The following MLF1 variants were observed in gnomAD, a reference collection of about 807,000 sequenced individuals.
The protein encoded by MLF1 is myeloid leukemia factor 1, also known as myelodysplasia-myeloid leukemia factor 1.
Under a neutral mutation model 38.3 loss-of-function variants are expected in MLF1, and 37 were observed. That is an observed-to-expected ratio of 0.96 (90% CI 0.74 to 1.27). MLF1 has a LOEUF of 1.27. MLF1 is among the 50% of genes most tolerant of loss of function. The pLI, the probability that MLF1 is intolerant of heterozygous loss-of-function variation, is 0.00. For synonymous variants in MLF1, 95 were observed against 106.5 expected, an observed-to-expected ratio of 0.89 and a Z score of 0.66; for missense variants, 331 against 349.2, an observed-to-expected ratio of 0.95 and a Z score of 0.42.
rs371096231 is a variant in MLF1 at position 158,571,348 on chromosome 3, G to T, written c.47+1G>T. Reference sequence around the variant, plus strand: ...GTTTTGAGGATGACCCCTTCTTCTCGTGAGTTACGGGAGCCAGGAGTCCGG... The same window carrying T: ...GTTTTGAGGATGACCCCTTCTTCTCTTGAGTTACGGGAGCCAGGAGTCCGG... On this transcript the variant is annotated splice_donor_variant, in intron 1 of 7. Transcript: ENST00000466246. LOFTEE classifies it high-confidence loss of function. 2 of 1,613,178 alleles carry T rather than the reference G, an allele frequency of 1.2e-6. No individual in the cohort carries two copies. Among genetic ancestry groups the T allele is most frequent in the Non-Finnish European group, 1.7e-6 (2 of 1,179,930 alleles).
chr3:158,582,799 G>A (rs1298155755), intron 1 of MLF1: 1 of 634,992 alleles, frequency 1.6e-6, no homozygotes, highest in East Asian at 2.8e-5. Flanking sequence ...ACAAAAATTT[G>A]GTGAATTTGT....
At position 158,597,291 on chromosome 3, in the gene MLF1, G is replaced by A. The variant is rs566749133; in HGVS notation, c.324+346G>A. Among the ~76,000 whole-genome samples the A allele has an allele frequency of 2.0e-5, 3 of 151,616 alleles. No individual in the cohort carries two copies. The South Asian group carries it at 6.3e-4, about 32-fold the overall frequency. ...GAAAAAAAATAACCTCAAAAACATT[G>A]ATTCTATTGAAAGTCACTATTGTAA... On this transcript the variant is annotated intron_variant, in intron 4 of 7. Transcript: ENST00000466246.
chr3:158,591,057 A>C (rs1718041632), intron 1 of MLF1: 1 of 484,224 alleles, frequency 2.1e-6, no homozygotes, highest in East Asian at 5.7e-5. Flanking sequence ...TATGAAATTC[A>C]GAGGAAAAGC....
chr3:158,572,775 C>T (rs1263977283), intron 1 of MLF1, among the ~76,000 whole-genome samples: 1 of 21,312 alleles, frequency 4.7e-5, no homozygotes, highest in Non-Finnish European at 9.1e-5. Context: ...TGATGGCGTG[C>T]AGTGGGGGGA....
Position 158,571,401 on chromosome 3 carries a change from G to C in MLF1, c.47+54G>C, listed in dbSNP as rs529717135. 3 of 1,610,842 alleles carry C rather than the reference G, an allele frequency of 1.9e-6. No homozygotes were observed. In the Admixed American group the frequency reaches 5.0e-5, roughly 27 times the overall value. ...TCGCGCGGGAATTAAGGTATCGAGGGGAGCTATTTTAAGGGAAAAGAGCGA... is the reference window on the plus strand; with the variant it reads ...TCGCGCGGGAATTAAGGTATCGAGGCGAGCTATTTTAAGGGAAAAGAGCGA... On this transcript the variant is annotated intron_variant, in intron 1 of 7. Transcript: ENST00000466246.
intron 7 of MLF1, among the ~76,000 whole-genome samples, chr3:158,604,457 A>G (rs1232401821): frequency 6.6e-6 from 1 of 152,196 alleles, no homozygotes; most frequent in Non-Finnish European, 1.5e-5. Context: ...CTGTTGATTC[A>G]CATTTGAAGC....
At chr3:158,598,051 G>A (rs375497912) in intron 4 of MLF1, 29 bp from the exon 5 acceptor site, 368 of 1,606,914 alleles carry the variant, frequency 2.3e-4, no homozygotes, top group Non-Finnish European at 2.9e-4. Context: ...TATTTGACTC[G>A]ACTGAATTTA....
chr3:158,596,943 T>G lies in MLF1; in HGVS notation c.322T>G (p.Phe108Val), dbSNP rs1269770161. ...CTATATGCAGAAATTAGAAAGAAAC[T>G]TCGTAAGTACTAAAAACAAAGCATT... is the stretch of plus-strand genomic sequence containing the variant. ...RNYMQKLERN[F>V]GQLSVDPNGH... Residue 108 changes from phenylalanine to valine, a missense_variant and splice_region_variant, in exon 4 of 8, where the codon TTC (phenylalanine) becomes GTC (valine). Physicochemically the swap from Phe to Val is conservative, Grantham distance 50. Transcript: ENST00000466246. The G allele has an allele frequency of 6.3e-7, 1 of 1,585,262 alleles. No individual in the cohort carries two copies. The highest frequency in any genetic ancestry group is 1.3e-5 in the African/African-American group (1 of 74,266).
intron 7 of MLF1, among the ~76,000 whole-genome samples, chr3:158,603,218 A>T (rs1306600030): frequency 6.6e-6 from 1 of 152,232 alleles, no homozygotes; most frequent in African/African-American, 2.4e-5. Context: ...GAAAACTGAT[A>T]TCCTGTAGTG....
chr3:158,591,159 C>CT (rs11314613), intron 1 of MLF1: 22,105 of 379,022 alleles, frequency 0.058, 9 homozygotes, highest in East Asian at 0.09. Flanking sequence ...AGGAAAATTT[C>CT]TTTTTTTTTT....
intron 1 of MLF1, among the ~76,000 whole-genome samples, chr3:158,580,693 C>A (rs1184118004): frequency 6.6e-6 from 1 of 151,478 alleles, no homozygotes; most frequent in Non-Finnish European, 1.5e-5. Context: ...TGGTTGCTCA[C>A]ACCTGTAATC....
chr3:158,573,008 G>T (rs1162913968), intron 1 of MLF1, among the ~76,000 whole-genome samples: 1 of 151,704 alleles, frequency 6.6e-6, no homozygotes, highest in Admixed American at 6.6e-5. Context: ...GGCTTTGCAG[G>T]TGACATAACT....
intron 1 of MLF1, chr3:158,588,946 A>T (rs1056024721): frequency 1.1e-5 from 5 of 453,960 alleles, no homozygotes; most frequent in African/African-American, 1.0e-4. Context: ...GTACTAAAAT[A>T]CTTGGGCCAG....
chr3:158,604,380 A>T (rs2108663336), intron 7 of MLF1, among the ~76,000 whole-genome samples: 1 of 152,326 alleles, frequency 6.6e-6, no homozygotes, highest in African/African-American at 2.4e-5. Context: ...TTCTGAAATG[A>T]CTTCGGTAAT....
intron 7 of MLF1, among the ~76,000 whole-genome samples, chr3:158,603,556 G>C (rs1720098092): frequency 1.3e-5 from 2 of 152,180 alleles, no homozygotes; most frequent in South Asian, 2.1e-4. Flanking sequence ...AGAGATTTCT[G>C]TCTGGACATG....
intron 1 of MLF1, among the ~76,000 whole-genome samples, chr3:158,574,523 AAAAATAC>A (rs980479728): frequency 2.6e-5 from 3 of 115,698 alleles, no homozygotes; most frequent in African/African-American, 8.8e-5. Flanking sequence ...AAAAAAAAAA[AAAAATAC>A]AAAATTAGCC....
intron 7 of MLF1, among the ~76,000 whole-genome samples, chr3:158,604,426 G>T (rs73024783): frequency 0.19 from 29,101 of 152,112 alleles, 3,265 homozygotes; most frequent in African/African-American, 0.31. Flanking sequence ...GTCCAGTGTA[G>T]TAATCACTAG....
At chr3:158,594,727 G>C (rs1024650349) in intron 3 of MLF1, among the ~76,000 whole-genome samples, 1 of 152,150 alleles carries the variant, frequency 6.6e-6, no homozygotes, top group Admixed American at 6.6e-5. Context: ...TGATTGACAG[G>C]GTTGAAGGAG....
intron 4 of MLF1, among the ~76,000 whole-genome samples, chr3:158,597,836 G>GA (rs1421006256): frequency 1.3e-5 from 2 of 152,072 alleles, no homozygotes; most frequent in Non-Finnish European, 2.9e-5. Flanking sequence ...TCTTTGTAAC[G>GA]AGAGTGGGAT....
Sources: gnomAD v4.1 joint callset for allele counts (sites outside exome capture counted in the v4.1 genomes callset) on GRCh38, gnomAD v4.1.1 for gene constraint, MANE v1.5 for transcripts, NCBI Gene and HGNC (gene_info 2026-07-23, HGNC 2026-07-21) for gene names.